The following PPM1L variants were observed in gnomAD, a reference collection of about 807,000 sequenced individuals.
PPM1L encodes the protein protein phosphatase, Mg2+/Mn2+ dependent 1L.
Under a neutral mutation model 31.4 loss-of-function variants are expected in PPM1L, and 13 were observed. The observed-to-expected ratio is 0.41, with a 90% CI of 0.27 to 0.66. The LOEUF (loss-of-function observed/expected upper bound fraction) is 0.66, where lower values mean the gene tolerates loss of function less well. Among genes scored for constraint, PPM1L ranks in the 30% least tolerant of loss-of-function variants. The pLI is 0.29. For synonymous variants in PPM1L, 184 were observed against 175.4 expected (o/e 1.05, Z -0.39); for missense variants, 326 against 453.7 (o/e 0.72, Z 2.56).
In PPM1L at chr3:160,913,179, C is replaced by T. The variant is rs950018482; in HGVS notation, c.400-48557C>T. Among the ~76,000 whole-genome samples the T allele has an allele frequency of 9.2e-5, 14 of 151,980 alleles. 1 individual carries two copies. The highest frequency in any genetic ancestry group is 6.6e-5 in the Admixed American group (1 of 15,262). ...AATAGCTCAAAGAGTTTTAGGCCCC[C>T]CAACAGGTAGAAGAGTTGGATTAAT... On this transcript the variant is annotated intron_variant, in intron 1 of 3. Transcript: ENST00000498165.
chr3:160,865,089 A>T (rs375876977), intron 1 of PPM1L, among the ~76,000 whole-genome samples: 1 of 152,304 alleles, frequency 6.6e-6, no homozygotes, highest in South Asian at 2.1e-4. Flanking sequence ...TTCGTTTCTA[A>T]TGTATCCAGT....
intron 1 of PPM1L, among the ~76,000 whole-genome samples, chr3:160,944,064 A>T (rs1346267320): frequency 1.3e-5 from 2 of 152,094 alleles, no homozygotes; most frequent in Non-Finnish European, 1.5e-5. Flanking sequence ...TTGTTTATGG[A>T]CTATTTGGGT....
chr3:160,905,173 T>C (rs1713710146), intron 1 of PPM1L, among the ~76,000 whole-genome samples: 1 of 152,184 alleles, frequency 6.6e-6, no homozygotes, highest in Non-Finnish European at 1.5e-5. Flanking sequence ...CAACCTCATA[T>C]ATCTTTATTA....
rs114377555 is a variant in PPM1L at position 160,760,306 on chromosome 3, A to T, written c.399+3599A>T. Among the ~76,000 whole-genome samples the T allele has an allele frequency of 3.4e-3, 524 of 152,314 alleles. 3 individuals are homozygous for T. The highest frequency in any genetic ancestry group is 0.012 in the African/African-American group (496 of 41,562). ...CTGATTTGTACTTCAGCCTCTTATG[A>T]TTTGGGTTACCATGAGTTAGTTCTC... On this transcript the variant is annotated intron_variant, in intron 1 of 3. Coordinates refer to ENST00000498165, the MANE Select transcript of PPM1L (RefSeq NM_139245.4).
intron 2 of PPM1L, among the ~76,000 whole-genome samples, chr3:160,985,115 T>G (rs1487998012): frequency 6.6e-6 from 1 of 152,228 alleles, no homozygotes; most frequent in Non-Finnish European, 1.5e-5. Context: ...TGCATTCAGA[T>G]GAATTACACT....
At chr3:161,024,031 C>G (rs1718308841) in intron 2 of PPM1L, among the ~76,000 whole-genome samples, 1 of 152,098 alleles carries the variant, frequency 6.6e-6, no homozygotes, top group Admixed American at 6.5e-5. Context: ...AATCCCAACA[C>G]CTTGGGAGGC....
At chr3:160,941,951 C>T (rs1177612964) in intron 1 of PPM1L, among the ~76,000 whole-genome samples, 1 of 152,196 alleles carries the variant, frequency 6.6e-6, no homozygotes, top group Admixed American at 6.5e-5. Context: ...TCAGTTCAGC[C>T]AGCCCTCTGC....
At chr3:160,824,228 A>G (rs1013192058) in intron 1 of PPM1L, among the ~76,000 whole-genome samples, 4 of 151,984 alleles carry the variant, frequency 2.6e-5, no homozygotes, top group African/African-American at 9.7e-5. Context: ...CCATGAGAGG[A>G]TAGAATGAGG....
intron 1 of PPM1L, among the ~76,000 whole-genome samples, chr3:160,768,449 T>A (rs1045284933): frequency 6.6e-6 from 1 of 152,202 alleles, no homozygotes; most frequent in Non-Finnish European, 1.5e-5. Context: ...ATTTTAAAAC[T>A]GGTAAAACTA....
At chr3:161,014,922 T>G (rs1488294257) in intron 2 of PPM1L, among the ~76,000 whole-genome samples, 1 of 152,180 alleles carries the variant, frequency 6.6e-6, no homozygotes, top group Non-Finnish European at 1.5e-5. Flanking sequence ...CGGTGCAAAA[T>G]CATTATGCCT....
chr3:160,974,508 T>C (rs1206792917), intron 2 of PPM1L, among the ~76,000 whole-genome samples: 2 of 151,308 alleles, frequency 1.3e-5, no homozygotes, highest in Non-Finnish European at 3.0e-5. Context: ...AGTGTTCCTA[T>C]TTCTCCACAT....
intron 2 of PPM1L, chr3:161,022,138 T>C: frequency 1.5e-6 from 1 of 681,574 alleles, no homozygotes; most frequent in Non-Finnish European, 2.7e-6. Context: ...TTCCATTTTT[T>C]TTTTTTTTAC....
chr3:160,968,619 C>T (rs1228427048), intron 2 of PPM1L, among the ~76,000 whole-genome samples: 1 of 152,090 alleles, frequency 6.6e-6, no homozygotes, highest in Admixed American at 6.6e-5. Flanking sequence ...CCTACATATT[C>T]CTTTGTTAAG....
At chr3:161,001,737 G>A (rs1717489664) in intron 2 of PPM1L, among the ~76,000 whole-genome samples, 1 of 151,832 alleles carries the variant, frequency 6.6e-6, no homozygotes, top group African/African-American at 2.4e-5. Context: ...CATCCTATTA[G>A]GATTAGGATT....
chr3:161,005,331 G>GA (rs1035759848), intron 2 of PPM1L, among the ~76,000 whole-genome samples: 1 of 152,058 alleles, frequency 6.6e-6, no homozygotes, highest in Non-Finnish European at 1.5e-5. Flanking sequence ...TAGTTTCTAT[G>GA]AAAAAACAAA....
chr3:160,995,265 G>T (rs1717274214), intron 2 of PPM1L, among the ~76,000 whole-genome samples: 2 of 152,112 alleles, frequency 1.3e-5, no homozygotes, highest in Admixed American at 6.6e-5. Context: ...CCGCTATGAA[G>T]ATTAGCAAAG....
chr3:161,012,807 G>T (rs907686959), intron 2 of PPM1L, among the ~76,000 whole-genome samples: 2 of 152,208 alleles, frequency 1.3e-5, no homozygotes, highest in African/African-American at 2.4e-5. Context: ...TATTTGTGTA[G>T]AGGTGTTTAT....
At chr3:161,000,806 G>C (rs756758791) in intron 2 of PPM1L, among the ~76,000 whole-genome samples, 23 of 152,178 alleles carry the variant, frequency 1.5e-4, no homozygotes, top group Non-Finnish European at 2.9e-4. Context: ...GTACTGTGTA[G>C]AGAAGACATT....
chr3:160,935,095 A>G (rs1005372494), intron 1 of PPM1L, among the ~76,000 whole-genome samples: 1 of 152,142 alleles, frequency 6.6e-6, no homozygotes, highest in Non-Finnish European at 1.5e-5. Context: ...TAAGTCACAA[A>G]TCATATAACC....
Sources: allele counts gnomAD v4.1 joint callset (sites outside exome capture counted in the v4.1 genomes callset), GRCh38; gene constraint gnomAD v4.1.1; transcripts MANE v1.5; gene names NCBI Gene and HGNC (gene_info 2026-07-23, HGNC 2026-07-21).